Variants in PKD1L1 observed in about 807,000 individuals in gnomAD.
PKD1L1 encodes polycystin-1-like protein 1.
PKD1L1 carries 236 observed loss-of-function variants against 323.4 expected under a neutral mutation model. That is an observed-to-expected ratio of 0.73 (90% CI 0.66 to 0.81). The LOEUF is 0.81. Among genes scored for constraint, PKD1L1 ranks in the 40% least tolerant of loss-of-function variants. The probability of loss-of-function intolerance (pLI) is 0.00; values close to 1 mark genes in which losing one functional copy is unlikely to be tolerated. For missense variants in PKD1L1, 3,320 were observed against 3,508.0 expected, an observed-to-expected ratio of 0.95 and a Z score of 1.35; for synonymous variants, 1,344 against 1,335.0, an observed-to-expected ratio of 1.01 and a Z score of -0.15.
chr7:47,833,366 G>T, intron 40 of PKD1L1, 114 bp from the exon 41 acceptor site: 1 of 1,243,124 alleles, frequency 8.0e-7, no homozygotes, highest in Non-Finnish European at 1.1e-6. Flanking sequence ...GGCATGGGCG[G>T]GGTGTGGTGC....
intron 4 of PKD1L1, among the ~76,000 whole-genome samples, chr7:47,935,092 G>A (rs980200157): frequency 1.3e-5 from 2 of 152,210 alleles, no homozygotes; most frequent in Non-Finnish European, 2.9e-5. Flanking sequence ...TGACATTCCC[G>A]TGGCGGCACC....
At chr7:47,916,483 C>T (rs1286175781) in intron 7 of PKD1L1, among the ~76,000 whole-genome samples, 2 of 152,090 alleles carry the variant, frequency 1.3e-5, no homozygotes, top group Non-Finnish European at 2.9e-5. Flanking sequence ...TGTGGAGGCT[C>T]GCATAGTCAA....
chr7:47,880,794 G>C lies in PKD1L1; in HGVS notation c.3454C>G (p.Gln1152Glu). Residue 1152 changes from glutamine (Q) to glutamate (E), a missense_variant, in exon 21 of 57, where the codon CAG becomes GAG. Physicochemically the swap from Gln to Glu is conservative, Grantham distance 29. Coordinates refer to ENST00000289672, the MANE Select transcript of PKD1L1 (RefSeq NM_138295.5). Reference sequence around the variant, plus strand: ...GAGTATGGCTTGATTGTCACTGTCTGTTCTGTAATACCTGCAGAAAAGACA... The same window carrying C: ...GAGTATGGCTTGATTGTCACTGTCTCTTCTGTAATACCTGCAGAAAAGACA... ...QGYSSSGITE[Q>E]TVTIKPYSLS... 6.2e-7 allele frequency: 1 copy of C among 1,604,492 alleles called. No individual in the cohort carries two copies.
At chr7:47,808,032 A>C (rs981814393) in intron 52 of PKD1L1, among the ~76,000 whole-genome samples, 6 of 152,132 alleles carry the variant, frequency 3.9e-5, no homozygotes, top group Admixed American at 3.9e-4. Context: ...GTTCTGCTCC[A>C]CGCAGAATCC....
In PKD1L1 at chr7:47,855,228, G is replaced by C. The variant is rs1211386492; in HGVS notation, c.4628C>G (p.Ser1543Cys). 1 of 1,614,168 alleles carries C rather than the reference G, an allele frequency of 6.2e-7. No individual in the cohort carries two copies. The highest frequency in any genetic ancestry group is 1.3e-5 in the African/African-American group (1 of 75,048). Residue 1543 changes from serine (S) to cysteine (C), a missense_variant, in exon 29 of 57, where the codon TCC (serine) becomes TGC (cysteine). By Grantham distance (112) the Ser-to-Cys change is moderately radical (BLOSUM62 -1). Transcript: ENST00000289672. ...TTGCCTGTTGATGGGTCTTCTGCTG[G>C]AGCAGGTATAGAGGTTGAGGCCCAC... ...GVVGLNLYTC[S>C]SRRPINRQWL...
At chr7:47,781,932 C>T (rs1206074029) in intron 56 of PKD1L1, among the ~76,000 whole-genome samples, 2 of 152,182 alleles carry the variant, frequency 1.3e-5, no homozygotes, top group Admixed American at 1.3e-4. Context: ...ATTCTTCCTT[C>T]AATGAATTGC....
At chr7:47,854,474 G>A (rs1785853242) in intron 30 of PKD1L1, among the ~76,000 whole-genome samples, 1 of 151,606 alleles carries the variant, frequency 6.6e-6, no homozygotes. Flanking sequence ...TATTAACTGG[G>A]GCCTATACAA....
At chr7:47,809,809 G>T (rs921232150) in intron 50 of PKD1L1, 3 of 387,916 alleles carry the variant, frequency 7.7e-6, no homozygotes, top group Admixed American at 4.3e-5. Flanking sequence ...CCAGGGGTTA[G>T]AACCCAAGAT....
chr7:47,832,975 C>T, intron 41 of PKD1L1, 115 bp downstream of exon 41: 1 of 1,361,602 alleles, frequency 7.3e-7, no homozygotes, highest in Non-Finnish European at 9.9e-7. Flanking sequence ...TTAGATGAGA[C>T]TAGAGTATTC....
chr7:47,811,871 T>C lies in PKD1L1; in HGVS notation c.7527A>G (p.Ser2509=), dbSNP rs199792621. The change falls in exon 50 of 57, where the codon TCA becomes TCG. Residue 2509 remains serine, a synonymous_variant. Coordinates refer to ENST00000289672, the MANE Select transcript of PKD1L1 (RefSeq NM_138295.5). The stretch of plus-strand genomic sequence containing the variant: ...CTGAGTCGCTGCGGAAGATGCTGAA[T>C]GACTCCACCAGGGATGAGGGGACGA... ...GSLVPSSLVE[S]FSIFRSDSAL... is the part of the protein sequence containing the mutation. The C allele has an allele frequency of 5.2e-5, 84 of 1,611,282 alleles. No individual in the cohort carries two copies. Among genetic ancestry groups the C allele is most frequent in the Non-Finnish European group, 1.0e-5 (12 of 1,178,962 alleles).
chr7:47,880,279 TA>T (rs1415495360), intron 21 of PKD1L1, among the ~76,000 whole-genome samples: 6 of 82,994 alleles, frequency 7.2e-5, no homozygotes, highest in African/African-American at 1.8e-4. Flanking sequence ...TATATATATA[TA>T]TATATTTTTT....
intron 46 of PKD1L1, chr7:47,819,525 G>A (rs756514046): frequency 4.4e-6 from 6 of 1,356,418 alleles, no homozygotes; most frequent in African/African-American, 1.5e-5. Context: ...ACTGGCACAG[G>A]CTGTGCACTT....
intron 17 of PKD1L1, among the ~76,000 whole-genome samples, chr7:47,886,516 A>G (rs1412764489): frequency 6.6e-6 from 1 of 152,086 alleles, no homozygotes; most frequent in Non-Finnish European, 1.5e-5. Flanking sequence ...GCCTGGTGGG[A>G]GGTGTTTAGA....
chr7:47,864,579 T>TCTTTCTTTCTTC (rs1786108436), intron 26 of PKD1L1, among the ~76,000 whole-genome samples: 4 of 52,302 alleles, frequency 7.6e-5, no homozygotes, highest in Non-Finnish European at 1.4e-4. Context: ...TTCTTTCTTT[T>TCTTTCTTTCTTC]CTTTCTTTCT....
chr7:47,798,231 C>T (rs1784584404), intron 54 of PKD1L1, among the ~76,000 whole-genome samples: 1 of 152,110 alleles, frequency 6.6e-6, no homozygotes, highest in South Asian at 2.1e-4. Context: ...AAGGAAAGAT[C>T]AATGGAGTAG....
chr7:47,937,659 G>A (rs532777728), intron 3 of PKD1L1, among the ~76,000 whole-genome samples: 2 of 152,290 alleles, frequency 1.3e-5, no homozygotes, highest in South Asian at 4.1e-4. Context: ...GGTCTTGATT[G>A]TGGAGTGAAG....
At position 47,940,231 on chromosome 7, in the gene PKD1L1, C is replaced by T. The variant is rs1179687520; in HGVS notation, c.247G>A (p.Glu83Lys). 2.5e-6 allele frequency: 4 copies of T among 1,614,046 alleles called. No homozygotes were observed. The highest frequency in any genetic ancestry group is 1.1e-5 in the South Asian group (1 of 91,088). The part of the protein sequence containing the change: ...CALNGKAEDR[E>K]SQSPSSSASR... ...GCTGATGAGGATGGGCTCTGTGATT[C>T]CCGGTCTTCTGCCTTTCCATTCAGA... The change falls in exon 3 of 57, where the codon GAA becomes AAA. Residue 83 changes from glutamate (E) to lysine (K), a missense_variant. Coordinates refer to ENST00000289672, the MANE Select transcript of PKD1L1 (RefSeq NM_138295.5).
chr7:47,896,668 C>G (rs2128749719), intron 14 of PKD1L1, among the ~76,000 whole-genome samples: 1 of 152,218 alleles, frequency 6.6e-6, no homozygotes, highest in East Asian at 1.9e-4. Flanking sequence ...CAGCCAGGTA[C>G]AAATAGTGCT....
chr7:47,939,916 C>G (rs1787949344), intron 3 of PKD1L1, among the ~76,000 whole-genome samples: 1 of 152,138 alleles, frequency 6.6e-6, no homozygotes, highest in Non-Finnish European at 1.5e-5. Flanking sequence ...GGGCAGCCCC[C>G]ACTCCCCACC....
Sources: allele counts gnomAD v4.1 joint callset (sites outside exome capture counted in the v4.1 genomes callset), GRCh38; gene constraint gnomAD v4.1.1; transcripts MANE v1.5; gene names NCBI Gene and HGNC (gene_info 2026-07-23, HGNC 2026-07-21).